GAB4: variants seen among roughly 807,000 people sequenced by gnomAD.
GAB4 encodes GRB2-associated-binding protein 4.
In GAB4, 26 loss-of-function variants were observed where a neutral mutation model predicts 51.3. The observed-to-expected ratio is 0.51, with a 90% CI of 0.37 to 0.70. GAB4 has a LOEUF of 0.70. GAB4 is among the 30% of genes least tolerant of loss of function. The pLI is 0.00. For synonymous variants in GAB4, 329 were observed against 291.2 expected (o/e 1.13, Z -1.32); for missense variants, 759 against 734.6 (o/e 1.03, Z -0.38).
Position 16,963,781 on chromosome 22 carries a change from G to C in GAB4, c.1525C>G (p.Pro509Ala), listed in dbSNP as rs2060648831. 1 of 1,613,816 alleles carries C rather than the reference G, an allele frequency of 6.2e-7. No individual in the cohort carries two copies. Among genetic ancestry groups the C allele is most frequent in the Non-Finnish European group, 8.5e-7 (1 of 1,179,984 alleles). ...TGGATGTTACCAGTGCTCCTCGGCG[G>C]GGCTGAACTGCTGGTGCCACCGGAA... ...PVSGGTSSSA[P>A]PRSTGNIHYA... Residue 509 changes from proline (P) to alanine (A), a missense_variant, in exon 9 of 10, where the codon CCG (proline) becomes GCG (alanine). Physicochemically the swap from Pro to Ala is conservative, Grantham distance 27. Coordinates refer to ENST00000400588, the MANE Select transcript of GAB4 (RefSeq NM_001037814.1).
At chr22:16,976,628 A>T (rs549964215) in intron 3 of GAB4, among the ~76,000 whole-genome samples, 2 of 152,356 alleles carry the variant, frequency 1.3e-5, no homozygotes, top group South Asian at 4.1e-4. Flanking sequence ...TCCCCAACCT[A>T]GCAAGAGAAG....
intron 4 of GAB4, among the ~76,000 whole-genome samples, chr22:16,969,235 G>T (rs2060709099): frequency 6.6e-6 from 1 of 152,216 alleles, no homozygotes; most frequent in Non-Finnish European, 1.5e-5. Context: ...TCAACAGTCT[G>T]TTAGTCCACA....
At chr22:17,004,685 A>G (rs1433022473) in intron 1 of GAB4, among the ~76,000 whole-genome samples, 3 of 152,294 alleles carry the variant, frequency 2.0e-5, no homozygotes, top group South Asian at 4.1e-4. Context: ...TCTCAAAATA[A>G]TAAGTTATTT....
chr22:16,963,010 G>C (rs145690904), intron 9 of GAB4, 134 bp from the exon 10 acceptor site: 4 of 781,800 alleles, frequency 5.1e-6, no homozygotes, highest in Non-Finnish European at 8.0e-6. Context: ...AGCAGCCTGG[G>C]GGGCCTGGGC....
chr22:16,966,710 G>A (rs976177717), intron 5 of GAB4: 6 of 258,868 alleles, frequency 2.3e-5, no homozygotes, highest in African/African-American at 1.3e-4. Flanking sequence ...AGTGTATCTT[G>A]CAGAATGGGG....
At chr22:16,964,087 T>A (rs1309354294) in intron 8 of GAB4, among the ~76,000 whole-genome samples, 2 of 152,166 alleles carry the variant, frequency 1.3e-5, no homozygotes, top group African/African-American at 4.8e-5. Flanking sequence ...AGGTCCATCC[T>A]ATGAAGCAGC....
At chr22:16,997,853 T>C (rs2060962668) in intron 1 of GAB4, among the ~76,000 whole-genome samples, 1 of 152,256 alleles carries the variant, frequency 6.6e-6, no homozygotes, top group Non-Finnish European at 1.5e-5. Flanking sequence ...CAGTTTCAGC[T>C]TTCTACATAT....
At chr22:17,007,311 C>T (rs755868635) in intron 1 of GAB4, among the ~76,000 whole-genome samples, 3 of 152,308 alleles carry the variant, frequency 2.0e-5, no homozygotes, top group Non-Finnish European at 4.4e-5. Flanking sequence ...AATCGTTTAA[C>T]CACATGAATT....
chr22:17,005,616 A>C (rs186354445), intron 1 of GAB4, among the ~76,000 whole-genome samples: 2 of 152,380 alleles, frequency 1.3e-5, no homozygotes, highest in Admixed American at 1.3e-4. Flanking sequence ...ACAAGGTTAC[A>C]GTAACCAAAA....
chr22:16,982,400 G>T (rs2060833804), intron 3 of GAB4, among the ~76,000 whole-genome samples: 1 of 151,912 alleles, frequency 6.6e-6, no homozygotes, highest in Non-Finnish European at 1.5e-5. Context: ...GTCTAAAAAA[G>T]AAATTAAGAA....
intron 3 of GAB4, among the ~76,000 whole-genome samples, chr22:16,975,328 G>A (rs2060768105): frequency 1.3e-5 from 2 of 152,322 alleles, no homozygotes; most frequent in African/African-American, 4.8e-5. Context: ...GGTGGGGGTA[G>A]GGCATCCGCC....
At chr22:16,963,099 C>T (rs1189687128) in intron 9 of GAB4, among the ~76,000 whole-genome samples, 1 of 152,204 alleles carries the variant, frequency 6.6e-6, no homozygotes, top group Non-Finnish European at 1.5e-5. Flanking sequence ...TCTCCCACCT[C>T]GCAGGAAGAG....
chr22:17,001,533 T>C (rs1406767398), intron 1 of GAB4, among the ~76,000 whole-genome samples: 2 of 152,228 alleles, frequency 1.3e-5, no homozygotes, highest in African/African-American at 2.4e-5. Context: ...TAGTTAGCTA[T>C]TTGCATAATC....
At chr22:16,963,864 T>G (rs781448956) in intron 8 of GAB4, 35 bp from the exon 9 acceptor site, 6 of 1,541,740 alleles carry the variant, frequency 3.9e-6, no homozygotes, top group Non-Finnish European at 5.4e-6. Context: ...TGCAAATGAG[T>G]TCAGGACACA....
intron 1 of GAB4, 114 bp from the exon 2 acceptor site, chr22:16,992,290 T>C (rs765310731): frequency 2.2e-6 from 2 of 895,806 alleles, no homozygotes; most frequent in Non-Finnish European, 3.4e-6. Flanking sequence ...AGCCTATGTC[T>C]CCCTTTCGGA....
intron 1 of GAB4, among the ~76,000 whole-genome samples, chr22:17,006,702 T>C (rs1327634778): frequency 6.6e-6 from 1 of 152,236 alleles, no homozygotes; most frequent in African/African-American, 2.4e-5. Flanking sequence ...TCATGTTCTT[T>C]ACAGGGACAT....
intron 3 of GAB4, among the ~76,000 whole-genome samples, chr22:16,983,440 T>C (rs998178086): frequency 6.6e-6 from 1 of 152,088 alleles, no homozygotes; most frequent in East Asian, 1.9e-4. Context: ...TCTACAGAAA[T>C]AGAAATAAAA....
chr22:16,972,771 A>G (rs1253477776), intron 3 of GAB4, among the ~76,000 whole-genome samples: 1 of 152,084 alleles, frequency 6.6e-6, no homozygotes, highest in African/African-American at 2.4e-5. Context: ...AAAAGGTCTC[A>G]TAACACGTCT....
intron 3 of GAB4, among the ~76,000 whole-genome samples, chr22:16,973,038 T>C (rs1358057293): frequency 6.6e-6 from 1 of 152,214 alleles, no homozygotes; most frequent in African/African-American, 2.4e-5. Context: ...CAGCTGTCCC[T>C]GGATGGCTTC....
Sources: gnomAD v4.1 joint callset for allele counts (sites outside exome capture counted in the v4.1 genomes callset) on GRCh38, gnomAD v4.1.1 for gene constraint, MANE v1.5 for transcripts, NCBI Gene and HGNC (gene_info 2026-07-23, HGNC 2026-07-21) for gene names.